The following DNAH7 variants were observed in gnomAD, a reference collection of about 807,000 sequenced individuals.
DNAH7 encodes the protein dynein axonemal heavy chain 7.
DNAH7 carries 397 observed loss-of-function variants against 444.6 expected under a neutral mutation model. That is an observed-to-expected ratio of 0.89 (90% CI 0.82 to 0.97). DNAH7 has a LOEUF of 0.97. DNAH7 is among the 50% of genes least tolerant of loss of function. DNAH7 has a pLI of 0.00. For missense variants in DNAH7, 4,902 were observed against 4,800.8 expected, an observed-to-expected ratio of 1.02 and a Z score of -0.62; for synonymous variants, 1,636 against 1,624.4, an observed-to-expected ratio of 1.01 and a Z score of -0.17.
intron 19 of DNAH7, among the ~76,000 whole-genome samples, chr2:195,939,121 T>C (rs996667859): frequency 2.0e-5 from 3 of 152,110 alleles, no homozygotes; most frequent in Non-Finnish European, 4.4e-5. Flanking sequence ...TTGAAGTGAC[T>C]AATATGGTGT....
chr2:195,887,709 A>G (rs553589510), intron 33 of DNAH7, among the ~76,000 whole-genome samples: 6 of 152,150 alleles, frequency 3.9e-5, no homozygotes, highest in Admixed American at 6.5e-5. Context: ...GAAATTAAAC[A>G]TTCTTGCTCT....
In DNAH7 at chr2:195,756,192, T is replaced by A; in HGVS notation, c.11527A>T (p.Ser3843Cys). 6.2e-7 allele frequency: 1 copy of A among 1,613,604 alleles called. No individual in the cohort carries two copies. The highest frequency in any genetic ancestry group is 8.5e-7 in the Non-Finnish European group (1 of 1,179,664). The change falls in exon 62 of 65, where the codon AGC becomes TGC. Residue 3843 changes from serine (S) to cysteine (C), a missense_variant. Ser to Cys is a moderately radical substitution (Grantham distance 112, BLOSUM62 -1). Coordinates refer to ENST00000312428, the MANE Select transcript of DNAH7 (RefSeq NM_018897.3). The stretch of plus-strand genomic sequence containing the variant: ...ACATAGCTGCCAAGTGGTTTAAGGC[T>A]TGGGTAGGATTTACCCATCCACATT... ...PEMWMGKSYP[S>C]LKPLGSYVND... is the part of the protein sequence containing the mutation.
chr2:196,050,621 C>T (rs141101836), intron 3 of DNAH7, among the ~76,000 whole-genome samples: 4,470 of 152,140 alleles, frequency 0.029, 85 homozygotes, highest in Middle Eastern at 0.071. Context: ...AATTACTAGA[C>T]AATAAATTTT....
chr2:195,936,834 A>T (rs1689088390), intron 19 of DNAH7, 42 bp from the exon 20 acceptor site: 14 of 1,297,542 alleles, frequency 1.1e-5, no homozygotes, highest in Non-Finnish European at 1.5e-5. Context: ...AAAATATTAG[A>T]TACTAACTCT....
rs199671568 is a variant in DNAH7, at chr2:195,799,371, G to A, written c.10278C>T (p.Cys3426=). ...AGAGCACGAAAATCAGTGGTGCACA[G>A]CAGTTACTGTCTCCAAATGCCTTGG... ...DLAKAFGDSN[C]CAPLIFVLSP... The change falls in exon 55 of 65, where the codon TGC becomes TGT. Residue 3426 remains cysteine (C), a synonymous_variant. Transcript: ENST00000312428. 1.6e-3 allele frequency: 2,614 copies of A among 1,612,492 alleles called. 3 individuals carry two copies. The highest frequency in any genetic ancestry group is 1.9e-3 in the Non-Finnish European group (2,293 of 1,179,226).
In DNAH7 at chr2:196,036,395, G is replaced by A. The variant is rs1445898030; in HGVS notation, c.399-8348C>T. On this transcript the variant is annotated intron_variant, in intron 5 of 64. Coordinates refer to ENST00000312428, the MANE Select transcript of DNAH7 (RefSeq NM_018897.3). Reference sequence around the variant, plus strand: ...TCCACCCAGAGGGCTACAATAGCATGGCATTGGCTGAACCCAGTGGACTGC... The same window carrying A: ...TCCACCCAGAGGGCTACAATAGCATAGCATTGGCTGAACCCAGTGGACTGC... Among the ~76,000 whole-genome samples the A allele has an allele frequency of 2.0e-5, 3 of 152,102 alleles. No individual in the cohort carries two copies. The East Asian group carries it at 5.8e-4, about 29-fold the overall frequency.
At chr2:195,990,912 AATATATATACATATATATACTTAAAT>A (rs1245988799) in intron 12 of DNAH7, among the ~76,000 whole-genome samples, 3 of 140,128 alleles carry the variant, frequency 2.1e-5, no homozygotes, top group Non-Finnish European at 4.6e-5. Flanking sequence ...TATATACTTA[AATATATATACATATATATACTTAAAT>A]ATATATACAT....
intron 19 of DNAH7, among the ~76,000 whole-genome samples, chr2:195,943,313 T>C (rs1349770014): frequency 1.3e-5 from 2 of 152,174 alleles, no homozygotes; most frequent in African/African-American, 4.8e-5. Context: ...ATATTCATAG[T>C]AGGACCTTTA....
intron 63 of DNAH7, among the ~76,000 whole-genome samples, chr2:195,741,943 A>G (rs149370919): frequency 2.6e-5 from 4 of 152,350 alleles, no homozygotes; most frequent in African/African-American, 9.6e-5. Flanking sequence ...TTATAGTTAA[A>G]TTTAAATGGC....
chr2:195,840,340 A>C (rs1374922761), intron 47 of DNAH7, among the ~76,000 whole-genome samples: 1 of 151,688 alleles, frequency 6.6e-6, no homozygotes, highest in Non-Finnish European at 1.5e-5. Context: ...CAAACTAGGA[A>C]TAGAAGGGAG....
At chr2:195,747,324 T>C (rs1693485691) in intron 63 of DNAH7, among the ~76,000 whole-genome samples, 1 of 150,770 alleles carries the variant, frequency 6.6e-6, no homozygotes, top group East Asian at 2.0e-4. Flanking sequence ...CTGAATAGGC[T>C]CTAAAATTGT....
At chr2:195,826,268 C>A (rs1366807229) in intron 48 of DNAH7, among the ~76,000 whole-genome samples, 4 of 152,132 alleles carry the variant, frequency 2.6e-5, no homozygotes, top group Non-Finnish European at 5.9e-5. Context: ...TTGCAATGAG[C>A]ACTCATTTTG....
intron 19 of DNAH7, among the ~76,000 whole-genome samples, chr2:195,938,048 G>A (rs185406254): frequency 2.6e-4 from 40 of 152,096 alleles, no homozygotes; most frequent in African/African-American, 9.4e-4. Flanking sequence ...AATGTAACCA[G>A]TAAATTTTTT....
intron 61 of DNAH7, among the ~76,000 whole-genome samples, chr2:195,764,061 G>A (rs1329659057): frequency 2.6e-5 from 4 of 151,928 alleles, no homozygotes; most frequent in Non-Finnish European, 5.9e-5. Flanking sequence ...TTTATCCCAA[G>A]AATGCAAGAA....
At position 195,796,566 on chromosome 2, in the gene DNAH7, G is replaced by T. The variant is rs1273703048; in HGVS notation, c.10515+10C>A. 6.2e-7 allele frequency: 1 copy of T among 1,613,840 alleles called. No homozygotes were observed. Among genetic ancestry groups the T allele is most frequent in the East Asian group, 2.2e-5 (1 of 44,844 alleles). On this transcript the variant is annotated intron_variant, in intron 56 of 64. Coordinates refer to ENST00000312428, the MANE Select transcript of DNAH7 (RefSeq NM_018897.3). ...AATGCAATCTAATAAGTATAAACTT[G>T]CATTTTTACCTCACAGACTTTCTCA...
chr2:195,744,192 C>T (rs1275002693), intron 63 of DNAH7, among the ~76,000 whole-genome samples: 6 of 152,274 alleles, frequency 3.9e-5, no homozygotes, highest in African/African-American at 9.6e-5. Context: ...GCTTAAAAAA[C>T]GGCGCACCAG....
chr2:195,843,558 C>T (rs553873303), intron 47 of DNAH7, among the ~76,000 whole-genome samples: 2 of 152,132 alleles, frequency 1.3e-5, no homozygotes, highest in Non-Finnish European at 2.9e-5. Context: ...AAGCGTCAAA[C>T]TTAATTCAGG....
chr2:195,796,552 A>G (rs1209096749), intron 56 of DNAH7, 24 bp downstream of exon 56: 3 of 1,613,110 alleles, frequency 1.9e-6, no homozygotes, highest in Non-Finnish European at 1.7e-6. Flanking sequence ...ATGCAATCTA[A>G]TAAGTATAAA....
rs1700848041 is a variant in DNAH7, at chr2:195,873,627, A to T, written c.6354T>A (p.Phe2118Leu). 11 of 1,526,194 alleles carry T rather than the reference A, an allele frequency of 7.2e-6. No homozygotes were observed. Among genetic ancestry groups the T allele is most frequent in the Non-Finnish European group, 9.7e-6 (11 of 1,137,720 alleles). The allele number at this position is 1,526,194 out of a possible 1,614,324, so 94.5% of individuals were successfully genotyped here. ...AGATTGTATACATGGATTTATCACT[A>T]AACTCATTGATTGTTATAATATTGA... is the stretch of plus-strand genomic sequence containing the variant. ...RHFNIITINEFSDKSMYTIFS... is the reference protein window; with the variant it reads ...RHFNIITINELSDKSMYTIFS... The change falls in exon 39 of 65, where the codon TTT becomes TTA. Residue 2118 changes from phenylalanine to leucine, a missense_variant. By Grantham distance (22) the Phe-to-Leu change is conservative. Coordinates refer to ENST00000312428, the MANE Select transcript of DNAH7 (RefSeq NM_018897.3).
Sources: gnomAD v4.1 joint callset for allele counts (sites outside exome capture counted in the v4.1 genomes callset) on GRCh38, gnomAD v4.1.1 for gene constraint, MANE v1.5 for transcripts, NCBI Gene and HGNC (gene_info 2026-07-23, HGNC 2026-07-21) for gene names.